The following SLC24A3 variants were observed in gnomAD, a reference collection of about 807,000 sequenced individuals.
The protein encoded by SLC24A3 is solute carrier family 24 member 3.
A neutral mutation model predicts 75.8 loss-of-function variants in SLC24A3; 28 were observed. The ratio of observed to expected loss-of-function variants is 0.37; its 90% CI spans 0.27 to 0.51. The LOEUF (loss-of-function observed/expected upper bound fraction) is 0.51. Ranked by LOEUF, SLC24A3 falls within the 20% of genes least tolerant of loss-of-function variation. The pLI, the probability that SLC24A3 is intolerant of heterozygous loss-of-function variation, is 0.94. For synonymous variants in SLC24A3, 372 were observed against 334.1 expected (o/e 1.11, Z -1.24); for missense variants, 663 against 847.8 (o/e 0.78, Z 2.71).
chr20:19,406,573 G>T (rs531004657), intron 2 of SLC24A3, among the ~76,000 whole-genome samples: 1 of 152,282 alleles, frequency 6.6e-6, no homozygotes, highest in African/African-American at 2.4e-5. Context: ...TCTAGCTGGG[G>T]CTCAAGACAC....
intron 3 of SLC24A3, among the ~76,000 whole-genome samples, chr20:19,553,309 G>C (rs748331283): frequency 2.6e-5 from 4 of 152,076 alleles, no homozygotes; most frequent in Non-Finnish European, 2.9e-5. Flanking sequence ...GATCAATGTA[G>C]GTGATGCCCA....
intron 6 of SLC24A3, among the ~76,000 whole-genome samples, chr20:19,635,031 A>G (rs2031982691): frequency 1.3e-5 from 2 of 152,176 alleles, no homozygotes; most frequent in South Asian, 2.1e-4. Context: ...GACACAGCCT[A>G]TTTCTAACTC....
rs6112355 is a variant in SLC24A3, at chr20:19,407,940, A to G, written c.272-107548A>G. On this transcript the variant is annotated intron_variant, in intron 2 of 16. Transcript: ENST00000328041. ...TGAAGGCTGCTACAGTTCTAAGGAAACCTTGTGGCTTTATGGGAGTAAACC... is the reference window on the plus strand; with the variant it reads ...TGAAGGCTGCTACAGTTCTAAGGAAGCCTTGTGGCTTTATGGGAGTAAACC... Among the ~76,000 whole-genome samples, 1,165 of 152,274 alleles carry G rather than the reference A, an allele frequency of 7.7e-3. 10 individuals are homozygous for G. The highest frequency in any genetic ancestry group is 0.027 in the African/African-American group (1,106 of 41,556).
intron 3 of SLC24A3, among the ~76,000 whole-genome samples, chr20:19,521,160 T>A (rs1165735878): frequency 1.3e-5 from 2 of 152,062 alleles, no homozygotes; most frequent in Non-Finnish European, 2.9e-5. Context: ...CCCCACACAA[T>A]CCTTATTCTC....
intron 2 of SLC24A3, among the ~76,000 whole-genome samples, chr20:19,311,655 CAGTT>C (rs917505530): frequency 3.9e-5 from 6 of 152,060 alleles, no homozygotes; most frequent in South Asian, 2.1e-4. Context: ...CAAAGGAAAA[CAGTT>C]AGATCAGATT....
intron 2 of SLC24A3, among the ~76,000 whole-genome samples, chr20:19,447,866 C>T (rs1306488271): frequency 2.6e-5 from 4 of 152,218 alleles, no homozygotes; most frequent in Admixed American, 2.0e-4. Flanking sequence ...CTTCAGATCT[C>T]CAGTGGTTAT....
At chr20:19,548,539 T>C (rs1212585002) in intron 3 of SLC24A3, among the ~76,000 whole-genome samples, 1 of 152,188 alleles carries the variant, frequency 6.6e-6, no homozygotes, top group East Asian at 1.9e-4. Context: ...ATTTATCATC[T>C]CAGATGTCAG....
intron 7 of SLC24A3, among the ~76,000 whole-genome samples, chr20:19,661,983 C>A (rs911667534): frequency 1.3e-5 from 2 of 152,190 alleles, no homozygotes; most frequent in African/African-American, 2.4e-5. Flanking sequence ...TGGTACCCAG[C>A]CGTTTCTCTG....
chr20:19,692,769 C>A (rs1163982539), intron 12 of SLC24A3, among the ~76,000 whole-genome samples: 4 of 152,172 alleles, frequency 2.6e-5, no homozygotes, highest in Non-Finnish European at 5.9e-5. Flanking sequence ...GATTCCGGCG[C>A]GCTGACCGAC....
rs144735257 is a variant in SLC24A3 at position 19,269,895 on chromosome 20, G to A, written c.143-11064G>A. Among the ~76,000 whole-genome samples the A allele has an allele frequency of 5.6e-4, 85 of 152,292 alleles. No individual in the cohort carries two copies. In the East Asian group the frequency reaches 0.015, roughly 26 times the overall value. On this transcript the variant is annotated intron_variant, in intron 1 of 16. Coordinates refer to ENST00000328041, the MANE Select transcript of SLC24A3 (RefSeq NM_020689.4). ...TTAACTGTAGGTCTACAGAGTTATT[G>A]CATGAAGAGAAGAACATCCTGCATG...
chr20:19,479,227 T>C (rs973294661), intron 2 of SLC24A3, among the ~76,000 whole-genome samples: 5 of 152,212 alleles, frequency 3.3e-5, no homozygotes, highest in African/African-American at 1.2e-4. Flanking sequence ...TCCACTTAGT[T>C]TCACCACCTT....
At chr20:19,638,387 T>C (rs1180726087) in intron 6 of SLC24A3, among the ~76,000 whole-genome samples, 3 of 152,202 alleles carry the variant, frequency 2.0e-5, no homozygotes, top group Non-Finnish European at 4.4e-5. Context: ...GGAAGAGTTG[T>C]TTTTCATTAT....
chr20:19,604,514 TG>T (rs545373484), intron 6 of SLC24A3, among the ~76,000 whole-genome samples: 65 of 152,252 alleles, frequency 4.3e-4, no homozygotes, highest in African/African-American at 1.5e-3. Context: ...GGGGCCTTGG[TG>T]AGCAGTTTAG....
At chr20:19,274,473 T>C (rs966274540) in intron 1 of SLC24A3, among the ~76,000 whole-genome samples, 2 of 152,050 alleles carry the variant, frequency 1.3e-5, no homozygotes, top group Non-Finnish European at 2.9e-5. Flanking sequence ...AGAGGTCTGT[T>C]TGGGGGATGT....
chr20:19,405,818 A>T (rs1015451126), intron 2 of SLC24A3, among the ~76,000 whole-genome samples: 1 of 152,242 alleles, frequency 6.6e-6, no homozygotes, highest in Non-Finnish European at 1.5e-5. Context: ...ACTGGACAGT[A>T]TAAAGTGAAG....
At chr20:19,473,958 G>T (rs534280924) in intron 2 of SLC24A3, among the ~76,000 whole-genome samples, 9 of 152,248 alleles carry the variant, frequency 5.9e-5, no homozygotes, top group Non-Finnish European at 1.0e-4. Flanking sequence ...ATGCTGAATT[G>T]TCATTTTTGC....
intron 6 of SLC24A3, among the ~76,000 whole-genome samples, chr20:19,589,144 T>G (rs1207239204): frequency 1.3e-5 from 2 of 152,144 alleles, no homozygotes; most frequent in Non-Finnish European, 2.9e-5. Flanking sequence ...AAACAGTTGA[T>G]TTGAAAGGTG....
intron 3 of SLC24A3, among the ~76,000 whole-genome samples, chr20:19,556,291 G>A (rs543039191): frequency 2.3e-4 from 35 of 152,166 alleles, no homozygotes; most frequent in African/African-American, 6.0e-4. Flanking sequence ...ATGTGCCTTA[G>A]GCATAAGGAA....
chr20:19,413,868 C>G (rs1489438730), intron 2 of SLC24A3, among the ~76,000 whole-genome samples: 4 of 152,034 alleles, frequency 2.6e-5, no homozygotes, highest in Admixed American at 2.0e-4. Context: ...ATCTCATGAG[C>G]AAAATCAACA....
Sources: gnomAD v4.1 joint callset for allele counts (sites outside exome capture counted in the v4.1 genomes callset) on GRCh38, gnomAD v4.1.1 for gene constraint, MANE v1.5 for transcripts, NCBI Gene and HGNC (gene_info 2026-07-23, HGNC 2026-07-21) for gene names.